Variants in MICU1 observed in about 807,000 individuals in gnomAD.
The protein encoded by MICU1 is calcium uptake protein 1, mitochondrial.
In MICU1, 45 loss-of-function variants were observed where a neutral mutation model predicts 56.8. The ratio of observed to expected loss-of-function variants is 0.79; its 90% CI spans 0.62 to 1.02. MICU1 has a LOEUF of 1.02. Ranked by LOEUF, MICU1 falls within the 50% of genes least tolerant of loss-of-function variation. The pLI is 0.00. For missense variants in MICU1, 504 were observed against 587.1 expected (o/e 0.86, Z 1.46); for synonymous variants, 186 against 195.1 (o/e 0.95, Z 0.39).
intron 1 of MICU1, among the ~76,000 whole-genome samples, chr10:72,583,282 A>ATT (rs71021510): frequency 2.8e-5 from 4 of 141,176 alleles, no homozygotes. Flanking sequence ...GGCTGAATGC[A>ATT]TTTTTTTTTT....
intron 3 of MICU1, 72 bp from the exon 4 acceptor site, chr10:72,551,413 T>A: frequency 1.0e-6 from 1 of 1,004,774 alleles, no homozygotes; most frequent in Non-Finnish European, 1.4e-6. Flanking sequence ...TTATCATCAC[T>A]GCTCATCAAT....
chr10:72,371,386 C>CA (rs56014491), intron 11 of MICU1, among the ~76,000 whole-genome samples: 226 of 91,048 alleles, frequency 2.5e-3, no homozygotes, highest in East Asian at 0.011. Flanking sequence ...GACTCCGTCT[C>CA]AAAAAAAAAA....
intron 1 of MICU1, among the ~76,000 whole-genome samples, chr10:72,586,375 G>T (rs1195487860): frequency 6.6e-6 from 1 of 151,992 alleles, no homozygotes; most frequent in Non-Finnish European, 1.5e-5. Flanking sequence ...TAAAGGCCAG[G>T]CACTGTGGCT....
chr10:72,586,983 T>C (rs960244443), intron 1 of MICU1, among the ~76,000 whole-genome samples: 1 of 152,134 alleles, frequency 6.6e-6, no homozygotes, highest in African/African-American at 2.4e-5. Context: ...AAAATAATAC[T>C]AAGCAGAAAG....
chr10:72,382,157 C>A (rs1862732621), intron 10 of MICU1, among the ~76,000 whole-genome samples: 1 of 151,724 alleles, frequency 6.6e-6, no homozygotes, highest in Non-Finnish European at 1.5e-5. Context: ...GTCGCCCAGG[C>A]TGGAGTGCAG....
chr10:72,524,635 G>C, intron 5 of MICU1: 1 of 744,332 alleles, frequency 1.3e-6, no homozygotes, highest in Non-Finnish European at 1.8e-6. Flanking sequence ...AGGGAGCAGG[G>C]CAAGGACATA....
intron 4 of MICU1, among the ~76,000 whole-genome samples, chr10:72,547,692 A>T (rs569823997): frequency 6.6e-6 from 1 of 152,298 alleles, no homozygotes; most frequent in South Asian, 2.1e-4. Context: ...AGCACAAAGG[A>T]TAGAGAAACA....
At chr10:72,374,526 G>C (rs1251056775) in intron 11 of MICU1, among the ~76,000 whole-genome samples, 5 of 152,158 alleles carry the variant, frequency 3.3e-5, no homozygotes, top group East Asian at 1.9e-4. Context: ...GGTCCTATGG[G>C]GGGTAGGAAG....
rs971838757 is a variant in MICU1 at position 72,571,313 on chromosome 10, G to A, written c.-1-4519C>T. ...GAGGAGGCGGAGGTTGTAGTGAGCCGAGATTGTACCACTGCACTCCAGCTT... is the reference window on the plus strand; with the variant it reads ...GAGGAGGCGGAGGTTGTAGTGAGCCAAGATTGTACCACTGCACTCCAGCTT... On this transcript the variant is annotated intron_variant, in intron 1 of 11. Coordinates refer to ENST00000361114, the MANE Select transcript of MICU1 (RefSeq NM_001195518.2). Among the ~76,000 whole-genome samples the A allele has an allele frequency of 3.9e-5, 6 of 152,118 alleles. No homozygotes were observed. In the East Asian group the frequency reaches 5.8e-4, roughly 15 times the overall value.
rs551973497 is a variant in MICU1, at chr10:72,438,401, G to A, written c.934-15030C>T. ...ATCTCTGGGACACATTTAAAGCAGC[G>A]TGTAGAGGGAAATTTATAGCACTAA... On this transcript the variant is annotated intron_variant, in intron 8 of 11. Coordinates refer to ENST00000361114, the MANE Select transcript of MICU1 (RefSeq NM_001195518.2). 3.9e-5 allele frequency among the ~76,000 whole-genome samples: 6 copies of A among 152,262 alleles called. No homozygotes were observed. In the South Asian group the frequency reaches 1.0e-3, roughly 26 times the overall value.
At chr10:72,517,167 A>G (rs569676337) in intron 5 of MICU1, among the ~76,000 whole-genome samples, 1 of 152,302 alleles carries the variant, frequency 6.6e-6, no homozygotes, top group African/African-American at 2.4e-5. Flanking sequence ...GGGAGTTACT[A>G]GAAAACAAAC....
chr10:72,578,519 CT>C (rs1367922266), intron 1 of MICU1, among the ~76,000 whole-genome samples: 2 of 151,500 alleles, frequency 1.3e-5, no homozygotes, highest in Non-Finnish European at 2.9e-5. Flanking sequence ...CCTGCCTCAG[CT>C]TCCCAAAGTA....
chr10:72,576,083 G>A (rs1481316046), intron 1 of MICU1, among the ~76,000 whole-genome samples: 2 of 151,932 alleles, frequency 1.3e-5, no homozygotes, highest in Non-Finnish European at 2.9e-5. Flanking sequence ...GCATGGTGGT[G>A]GGAGCCTGTA....
intron 5 of MICU1, among the ~76,000 whole-genome samples, chr10:72,520,508 C>T (rs548477532): frequency 5.3e-5 from 8 of 152,178 alleles, no homozygotes; most frequent in Non-Finnish European, 1.0e-4. Context: ...AAGGTAATAT[C>T]GCATTTGAGG....
intron 1 of MICU1, among the ~76,000 whole-genome samples, chr10:72,585,360 T>A (rs914482549): frequency 6.6e-6 from 1 of 152,204 alleles, no homozygotes; most frequent in Non-Finnish European, 1.5e-5. Context: ...GTATACCTTG[T>A]AGCAACATCA....
At position 72,368,622 on chromosome 10, in the gene MICU1, A is replaced by G. The variant is rs144190789; in HGVS notation, c.1271-267T>C. On this transcript the variant is annotated intron_variant, in intron 11 of 11. Transcript: ENST00000361114. Reference sequence around the variant, plus strand: ...TGCCAGGTGTTTAGAACAAGGAGATAAATGAGCTTTGTGCTTTGTCCCTGG... The same window carrying G: ...TGCCAGGTGTTTAGAACAAGGAGATGAATGAGCTTTGTGCTTTGTCCCTGG... Among the ~76,000 whole-genome samples the G allele has an allele frequency of 6.6e-5, 10 of 152,310 alleles. No individual in the cohort carries two copies. The East Asian group carries it at 1.7e-3, about 26-fold the overall frequency.
At chr10:72,579,496 A>G (rs551054733) in intron 1 of MICU1, among the ~76,000 whole-genome samples, 2 of 152,300 alleles carry the variant, frequency 1.3e-5, no homozygotes, top group African/African-American at 4.8e-5. Flanking sequence ...ACCCTAATCC[A>G]CAAATCTGAA....
chr10:72,552,898 T>A (rs1329434710), intron 3 of MICU1, among the ~76,000 whole-genome samples: 1 of 152,194 alleles, frequency 6.6e-6, no homozygotes, highest in Admixed American at 6.5e-5. Context: ...GAAATTACTA[T>A]AACTGTCAGT....
chr10:72,515,154 C>G (rs1313791286), intron 5 of MICU1, among the ~76,000 whole-genome samples: 2 of 152,182 alleles, frequency 1.3e-5, no homozygotes, highest in Non-Finnish European at 2.9e-5. Context: ...GGGCCGCCAT[C>G]CTTACAGCTG....
Sources: allele counts gnomAD v4.1 joint callset (sites outside exome capture counted in the v4.1 genomes callset), GRCh38; gene constraint gnomAD v4.1.1; transcripts MANE v1.5; gene names NCBI Gene and HGNC (gene_info 2026-07-23, HGNC 2026-07-21).